The following EPB41 variants were observed in gnomAD, a reference collection of about 807,000 sequenced individuals.
EPB41 encodes erythrocyte membrane protein band 4.1, also known as protein 4.1.
In EPB41, 65 loss-of-function variants were observed where a neutral mutation model predicts 108.0. The ratio of observed to expected loss-of-function variants is 0.60; its 90% CI spans 0.49 to 0.74. The LOEUF is 0.74. EPB41 is among the 30% of genes least tolerant of loss of function. The pLI is 0.00. For missense variants in EPB41, 875 were observed against 1,037.0 expected (o/e 0.84, Z 2.15); for synonymous variants, 336 against 358.9 (o/e 0.94, Z 0.72).
At position 29,118,998 on chromosome 1, in the gene EPB41, T is replaced by C. The variant is rs1405840028; in HGVS notation, c.*2186T>C. On this transcript the variant is annotated 3_prime_UTR_variant, in exon 21 of 21. Coordinates refer to ENST00000343067, the MANE Select transcript of EPB41 (RefSeq NM_001376013.1). Reference sequence around the variant, plus strand: ...GGGCACTGAGTGTCCCTTTAAAAACTAACCCACTGAATATTCCGTGTGATC... The same window carrying C: ...GGGCACTGAGTGTCCCTTTAAAAACCAACCCACTGAATATTCCGTGTGATC... 1.3e-5 allele frequency: 2 copies of C among 152,280 alleles called. No individual in the cohort carries two copies. Among genetic ancestry groups the C allele is most frequent in the Non-Finnish European group, 2.9e-5 (2 of 68,068 alleles). The allele number at this position is 152,280 out of a possible 1,614,324, so 9.4% of individuals were successfully genotyped here. A position where few individuals can be genotyped will look rare whatever the true frequency, so the allele number is the denominator to read the frequency against.
In EPB41 at chr1:29,035,829, G is replaced by C. The variant is rs761433669; in HGVS notation, c.1369G>C (p.Glu457Gln). The change falls in exon 10 of 21, where the codon GAG (glutamate) becomes CAG (glutamine). Residue 457 changes from glutamate to glutamine, a missense_variant. Coordinates refer to ENST00000343067, the MANE Select transcript of EPB41 (RefSeq NM_001376013.1). ...FFIKIRPGEQ[E>Q]QYESTIGFKL... ...ATGTTTATTTGTGTTTTTGTAGCAA[G>C]AGCAGTATGAAAGTACCATCGGATT... is the stretch of plus-strand genomic sequence containing the variant. 3 of 1,612,580 alleles carry C rather than the reference G, an allele frequency of 1.9e-6. No individual in the cohort carries two copies. In the South Asian group the frequency reaches 3.3e-5, roughly 18 times the overall value.
intron 1 of EPB41, among the ~76,000 whole-genome samples, chr1:28,961,748 A>G (rs910127068): frequency 2.3e-4 from 35 of 152,212 alleles, no homozygotes; most frequent in African/African-American, 6.8e-4. Flanking sequence ...CTTTATGCCA[A>G]TGCAAATTAC....
chr1:29,057,268 T>C lies in EPB41; in HGVS notation c.1846-1321T>C, dbSNP rs1020205333. ...GCGGGTGCCTGTAGTCCCAGCTACT[T>C]GGGAGGCTGAGGCAGGAGAATGGCG... is the stretch of plus-strand genomic sequence containing the variant. On this transcript the variant is annotated intron_variant, in intron 12 of 20. Transcript: ENST00000343067. Among the ~76,000 whole-genome samples the C allele has an allele frequency of 1.5e-4, 21 of 141,912 alleles. No individual in the cohort carries two copies. In the East Asian group the frequency reaches 2.7e-3, roughly 18 times the overall value. The allele number at this position is 141,912 out of a possible 152,430, so 93.1% of individuals were successfully genotyped here. A position where few individuals can be genotyped will look rare whatever the true frequency, so the allele number is the denominator to read the frequency against.
intron 2 of EPB41, among the ~76,000 whole-genome samples, chr1:28,992,478 G>C (rs2096049647): frequency 6.6e-6 from 1 of 152,136 alleles, no homozygotes; most frequent in African/African-American, 2.4e-5. Flanking sequence ...CATGAGGTCA[G>C]GAGATCAAAA....
intron 1 of EPB41, among the ~76,000 whole-genome samples, chr1:28,929,476 C>T (rs1448266383): frequency 4.6e-5 from 7 of 151,884 alleles, no homozygotes; most frequent in Non-Finnish European, 1.0e-4. Flanking sequence ...GTGATCCGCC[C>T]GCCTCGGCCT....
chr1:28,942,439 C>T (rs1258840933), intron 1 of EPB41, among the ~76,000 whole-genome samples: 1 of 152,186 alleles, frequency 6.6e-6, no homozygotes, highest in Non-Finnish European at 1.5e-5. Context: ...TCACAGAACT[C>T]AGGGAAACAC....
At chr1:29,111,648 G>A (rs1467376120) in intron 18 of EPB41, among the ~76,000 whole-genome samples, 1 of 151,324 alleles carries the variant, frequency 6.6e-6, no homozygotes, top group African/African-American at 2.4e-5. Flanking sequence ...GCAAGACTCC[G>A]TCTCAAAAAA....
intron 17 of EPB41, among the ~76,000 whole-genome samples, chr1:29,102,103 G>A (rs1665617136): frequency 6.6e-6 from 1 of 152,196 alleles, no homozygotes; most frequent in Non-Finnish European, 1.5e-5. Flanking sequence ...CTTAAAAATT[G>A]TACACGCTAT....
At chr1:28,927,102 G>A (rs781411995) in intron 1 of EPB41, among the ~76,000 whole-genome samples, 11 of 152,200 alleles carry the variant, frequency 7.2e-5, no homozygotes, top group Non-Finnish European at 1.5e-4. Flanking sequence ...AAAACAGGAA[G>A]GGGTTTGAGT....
At chr1:28,993,257 A>G in intron 2 of EPB41, 73 bp from the exon 3 acceptor site, 2 of 1,176,236 alleles carry the variant, frequency 1.7e-6, no homozygotes, top group Non-Finnish European at 2.5e-6. Flanking sequence ...TAAGATTATT[A>G]TAGGTAAAAG....
At chr1:28,993,876 T>C (rs187514112) in intron 3 of EPB41, among the ~76,000 whole-genome samples, 17 of 152,064 alleles carry the variant, frequency 1.1e-4, no homozygotes, top group Admixed American at 5.9e-4. Flanking sequence ...AGGCTGGTCT[T>C]GAAGTCCGGG....
chr1:29,016,179 G>A (rs1259088257), intron 6 of EPB41, among the ~76,000 whole-genome samples: 1 of 151,766 alleles, frequency 6.6e-6, no homozygotes, highest in African/African-American at 2.4e-5. Context: ...TTTTGTTGTT[G>A]TTTTTTGTTT....
At chr1:29,108,809 C>T (rs961494481) in intron 17 of EPB41, among the ~76,000 whole-genome samples, 3 of 149,548 alleles carry the variant, frequency 2.0e-5, no homozygotes, top group Non-Finnish European at 4.4e-5. Flanking sequence ...CACCCGCCTA[C>T]ACCTCCCAAA....
chr1:28,960,910 T>C (rs1174917234), intron 1 of EPB41, among the ~76,000 whole-genome samples: 1 of 151,556 alleles, frequency 6.6e-6, no homozygotes, highest in Admixed American at 6.6e-5. Context: ...GGCAGACACC[T>C]GTACTCCCAG....
intron 8 of EPB41, 41 bp downstream of exon 8, chr1:29,030,528 A>G (rs777407154): frequency 1.3e-5 from 18 of 1,352,852 alleles, no homozygotes; most frequent in Non-Finnish European, 1.9e-5. Context: ...CATGTGGAAG[A>G]TATTATATGA....
At chr1:28,943,048 A>G (rs1014151037) in intron 1 of EPB41, among the ~76,000 whole-genome samples, 2 of 152,168 alleles carry the variant, frequency 1.3e-5, no homozygotes, top group Admixed American at 6.5e-5. Flanking sequence ...GTCATTTTAA[A>G]TTATAATAGG....
At chr1:29,092,810 T>G (rs1436962534) in intron 16 of EPB41, among the ~76,000 whole-genome samples, 2 of 152,148 alleles carry the variant, frequency 1.3e-5, no homozygotes, top group Admixed American at 1.3e-4. Context: ...GTATTTGCTT[T>G]TATTGTTCCT....
chr1:28,971,429 C>G (rs895215344), intron 1 of EPB41, among the ~76,000 whole-genome samples: 3 of 152,102 alleles, frequency 2.0e-5, no homozygotes, highest in African/African-American at 7.2e-5. Context: ...AGTGATCCAC[C>G]TGGCTTCGGC....
chr1:28,960,147 GC>G (rs2095143368), intron 1 of EPB41, among the ~76,000 whole-genome samples: 3 of 151,492 alleles, frequency 2.0e-5, no homozygotes, highest in South Asian at 4.2e-4. Context: ...GACTACAGGT[GC>G]ATGCCACTAC....
Sources: gnomAD v4.1 joint callset for allele counts (sites outside exome capture counted in the v4.1 genomes callset) on GRCh38, gnomAD v4.1.1 for gene constraint, MANE v1.5 for transcripts, NCBI Gene and HGNC (gene_info 2026-07-23, HGNC 2026-07-21) for gene names.